SCEL: variants seen among roughly 807,000 people sequenced by gnomAD.
The protein encoded by SCEL is sciellin.
A neutral mutation model predicts 117.6 loss-of-function variants in SCEL; 113 were observed. That is an observed-to-expected ratio of 0.96 (90% CI 0.83 to 1.12). The LOEUF (loss-of-function observed/expected upper bound fraction) is 1.12. SCEL is among the 50% of genes most tolerant of loss of function. The pLI is 0.00. For missense variants in SCEL, 785 were observed against 810.8 expected (o/e 0.97, Z 0.39); for synonymous variants, 270 against 256.2 (o/e 1.05, Z -0.51).
In SCEL at chr13:77,602,640, T is replaced by G; in HGVS notation, c.978-14T>G. The G allele has an allele frequency of 6.2e-7, 1 of 1,612,012 alleles. No individual in the cohort carries two copies. The highest frequency in any genetic ancestry group is 1.1e-5 in the South Asian group (1 of 90,960). On this transcript the variant is annotated splice_polypyrimidine_tract_variant and intron_variant, in intron 16 of 32. Transcript: ENST00000349847. ...CTGTAACCTAACTGACAAGTTTTGG[T>G]GTTTTTTCCAAAGAAGACAAAATCT...
At chr13:77,593,491 T>C (rs765861947) in intron 11 of SCEL, 23 bp from the exon 12 acceptor site, 1 of 1,587,132 alleles carries the variant, frequency 6.3e-7, no homozygotes, top group Admixed American at 1.7e-5. Context: ...CATTGACCTG[T>C]ATTTATTTTT....
intron 8 of SCEL, 73 bp from the exon 9 acceptor site, chr13:77,572,051 A>C: frequency 7.8e-7 from 1 of 1,277,872 alleles, no homozygotes; most frequent in Admixed American, 1.7e-5. Context: ...TTTAACTGTC[A>C]AATTATTTTC....
intron 28 of SCEL, among the ~76,000 whole-genome samples, chr13:77,628,507 C>A (rs1279140741): frequency 2.0e-5 from 3 of 152,046 alleles, no homozygotes; most frequent in Admixed American, 2.0e-4. Flanking sequence ...GGTATAATAG[C>A]TTTAAAACTG....
chr13:77,589,100 C>T (rs1201912872), intron 9 of SCEL, 44 bp from the exon 10 acceptor site: 5 of 1,413,852 alleles, frequency 3.5e-6, no homozygotes, highest in Admixed American at 3.5e-5. Context: ...CTAAAATTTA[C>T]CATGTTTCCA....
At chr13:77,582,405 T>C (rs2086312733) in intron 9 of SCEL, among the ~76,000 whole-genome samples, 1 of 152,100 alleles carries the variant, frequency 6.6e-6, no homozygotes, top group Non-Finnish European at 1.5e-5. Flanking sequence ...TTTTTGTATT[T>C]TTAGTAGAGA....
rs1041530474 is a variant in SCEL at position 77,610,109 on chromosome 13, A to G, written c.1337+3A>G. 1 of 1,602,850 alleles carries G rather than the reference A, an allele frequency of 6.2e-7. No homozygotes were observed. On this transcript the variant is annotated splice_donor_region_variant and intron_variant, in intron 22 of 32. Transcript: ENST00000349847. The stretch of plus-strand genomic sequence containing the variant: ...GAAAGAAACAGAACTAACCAAGGGT[A>G]AGGTTTATGGAACTCTCTATTTCTC...
chr13:77,618,105 T>C (rs773831039), intron 27 of SCEL, 45 bp downstream of exon 27: 296 of 1,473,314 alleles, frequency 2.0e-4, no homozygotes, highest in Non-Finnish European at 2.7e-4. Flanking sequence ...GTTTCTAGGG[T>C]AGGAACTTCT....
intron 1 of SCEL, among the ~76,000 whole-genome samples, chr13:77,543,591 C>G (rs1227264715): frequency 6.6e-6 from 1 of 152,122 alleles, no homozygotes; most frequent in African/African-American, 2.4e-5. Flanking sequence ...AAGTCTGCTC[C>G]AATTCTTCTC....
intron 27 of SCEL, chr13:77,623,479 A>G (rs2089538140): frequency 6.6e-6 from 1 of 152,198 alleles, no homozygotes; most frequent in Non-Finnish European, 1.5e-5. Context: ...TTAAATAAAT[A>G]AATAAATAAA....
At chr13:77,611,948 A>G (rs1385895990) in intron 22 of SCEL, among the ~76,000 whole-genome samples, 1 of 152,210 alleles carries the variant, frequency 6.6e-6, no homozygotes, top group Non-Finnish European at 1.5e-5. Flanking sequence ...TGAAGAAGAT[A>G]GCAAATAAAT....
chr13:77,558,821 A>G (rs890296523), intron 3 of SCEL, among the ~76,000 whole-genome samples: 2 of 113,016 alleles, frequency 1.8e-5, no homozygotes, highest in South Asian at 6.2e-4. Flanking sequence ...CTGTCTTACA[A>G]AAAAAAAAAA....
intron 25 of SCEL, 28 bp downstream of exon 25, chr13:77,617,686 C>G (rs376940542): frequency 1.7e-5 from 26 of 1,538,278 alleles, no homozygotes; most frequent in Non-Finnish European, 2.2e-5. Flanking sequence ...TTTTAATGTA[C>G]TTGGGTCAGA....
intron 28 of SCEL, among the ~76,000 whole-genome samples, chr13:77,630,380 T>C (rs533331556): frequency 2.1e-4 from 32 of 152,204 alleles, no homozygotes; most frequent in Non-Finnish European, 4.0e-4. Flanking sequence ...ACTTTTCAAA[T>C]CATATAATTA....
At chr13:77,610,202 C>T (rs1169154470) in intron 22 of SCEL, 96 bp downstream of exon 22, 2 of 821,812 alleles carry the variant, frequency 2.4e-6, no homozygotes, top group African/African-American at 3.6e-5. Flanking sequence ...CCTGTAATCC[C>T]AACAGTTTAG....
chr13:77,619,249 C>T (rs1055506947), intron 27 of SCEL, among the ~76,000 whole-genome samples: 7 of 152,180 alleles, frequency 4.6e-5, no homozygotes, highest in African/African-American at 1.7e-4. Flanking sequence ...ATCATATTTT[C>T]TTCTTGCTGT....
intron 12 of SCEL, among the ~76,000 whole-genome samples, chr13:77,594,591 A>G (rs138724333): frequency 6.6e-6 from 1 of 152,318 alleles, no homozygotes; most frequent in Non-Finnish European, 1.5e-5. Context: ...AGAGCGAATC[A>G]TACTCAGTTT....
intron 9 of SCEL, among the ~76,000 whole-genome samples, chr13:77,575,497 A>G (rs1449922565): frequency 1.3e-5 from 2 of 152,234 alleles, no homozygotes; most frequent in Non-Finnish European, 1.5e-5. Flanking sequence ...AGAAAAAATG[A>G]AATTTCCTGA....
intron 9 of SCEL, among the ~76,000 whole-genome samples, chr13:77,585,011 A>G (rs1471123994): frequency 1.3e-5 from 2 of 152,214 alleles, no homozygotes; most frequent in African/African-American, 4.8e-5. Context: ...GGTGTTCTGT[A>G]ATGGGATTGA....
At chr13:77,620,252 T>G (rs959612179) in intron 27 of SCEL, among the ~76,000 whole-genome samples, 3 of 152,146 alleles carry the variant, frequency 2.0e-5, no homozygotes, top group Non-Finnish European at 4.4e-5. Flanking sequence ...AAAAGTGACT[T>G]CATTCAATTG....
Sources: allele counts gnomAD v4.1 joint callset (sites outside exome capture counted in the v4.1 genomes callset), GRCh38; gene constraint gnomAD v4.1.1; transcripts MANE v1.5; gene names NCBI Gene and HGNC (gene_info 2026-07-23, HGNC 2026-07-21).